Variants in HMGN5 observed in about 807,000 individuals in gnomAD.
HMGN5 encodes high mobility group nucleosome-binding domain-containing protein 5.
In HMGN5, 4 loss-of-function variants were observed where a neutral mutation model predicts 9.5. The observed-to-expected ratio is 0.42, with a 90% CI of 0.21 to 0.96. The LOEUF (loss-of-function observed/expected upper bound fraction) is 0.96. Among genes scored for constraint, HMGN5 ranks in the 40% least tolerant of loss-of-function variants. The pLI is 0.30. For missense variants in HMGN5, 192 were observed against 187.5 expected (o/e 1.02, Z -0.14); for synonymous variants, 55 against 57.1 (o/e 0.96, Z 0.16).
intron 1 of HMGN5, among the ~76,000 whole-genome samples, chrX:81,186,151 C>T (rs1430176572): frequency 8.9e-6 from 1 of 111,854 alleles, no homozygotes; most frequent in East Asian, 2.8e-4. Flanking sequence ...AGTGTCCCCT[C>T]TTCTTCTATG....
At chrX:81,131,459 T>C (rs1490311646) in intron 1 of HMGN5, among the ~76,000 whole-genome samples, 1 of 111,097 alleles carries the variant, frequency 9.0e-6, no homozygotes, top group Non-Finnish European at 1.9e-5. Flanking sequence ...AAGGACTTTA[T>C]GAGTATCCAG....
chrX:81,181,836 C>T (rs1030422923), intron 1 of HMGN5, among the ~76,000 whole-genome samples: 1 of 112,133 alleles, frequency 8.9e-6, no homozygotes, highest in Non-Finnish European at 1.9e-5. Context: ...ACAATATCTT[C>T]ATTCATTTGT....
At chrX:81,198,534 C>G (rs2075515628) in intron 1 of HMGN5, among the ~76,000 whole-genome samples, 1 of 111,661 alleles carries the variant, frequency 9.0e-6, no homozygotes, top group African/African-American at 3.3e-5. Context: ...CCACCACGAT[C>G]AAGTTGGCTT....
intron 1 of HMGN5, among the ~76,000 whole-genome samples, chrX:81,159,227 C>G (rs759620188): frequency 4.5e-5 from 5 of 110,205 alleles, no homozygotes; most frequent in African/African-American, 1.7e-4. Flanking sequence ...ACACTGGGGC[C>G]TATTGGGGGA....
chrX:81,189,632 C>T (rs1179785553), intron 1 of HMGN5, among the ~76,000 whole-genome samples: 1 of 112,200 alleles, frequency 8.9e-6, no homozygotes, highest in Admixed American at 9.5e-5. Context: ...CATTCATGTA[C>T]TGAAGGACAT....
Position 81,180,149 on chromosome X carries a change from G to A in HMGN5, c.-124+21588C>T, listed in dbSNP as rs761944573. ...ATTCAGGACACAGGCATGGGCAAGG[G>A]CTTCATGTCTAAAACACCAAAAGCA... On this transcript the variant is annotated intron_variant, in intron 1 of 6. Transcript: ENST00000358130. Among the ~76,000 whole-genome samples the A allele has an allele frequency of 5.0e-3, 557 of 111,461 alleles. 5 individuals are homozygous for A. Among genetic ancestry groups the A allele is most frequent in the Middle Eastern group, 9.3e-3 (2 of 214 alleles).
chrX:81,198,110 C>T (rs1223985901), intron 1 of HMGN5, among the ~76,000 whole-genome samples: 1 of 111,241 alleles, frequency 9.0e-6, no homozygotes, highest in Non-Finnish European at 1.9e-5. Context: ...ACAATGATTA[C>T]GTACATAGGG....
intron 1 of HMGN5, among the ~76,000 whole-genome samples, chrX:81,143,207 G>C (rs1005216962): frequency 9.0e-6 from 1 of 111,418 alleles, no homozygotes; most frequent in African/African-American, 3.3e-5. Context: ...AGACAGAAAG[G>C]AGAGAAAGAA....
At position 81,162,378 on chromosome X, in the gene HMGN5, C is replaced by A. The variant is rs5913410; in HGVS notation, c.-124+39359G>T. 1.2e-3 allele frequency among the ~76,000 whole-genome samples: 114 copies of A among 97,865 alleles called. 1 individual carries two copies. The highest frequency in any genetic ancestry group is 3.1e-3 in the African/African-American group (81 of 26,031). The allele number at this position is 97,865 out of a possible 115,157, so 85.0% of individuals were successfully genotyped here. ...AAACAAACTGAAAAAAAAAAAAAAA[C>A]CACTCAGCTGCAAACATAAGCTTTT... On this transcript the variant is annotated intron_variant, in intron 1 of 6. Coordinates refer to ENST00000358130, the MANE Select transcript of HMGN5 (RefSeq NM_030763.3).
At chrX:81,132,144 A>T (rs1398381127) in intron 1 of HMGN5, among the ~76,000 whole-genome samples, 3 of 111,272 alleles carry the variant, frequency 2.7e-5, no homozygotes, top group Non-Finnish European at 5.7e-5. Context: ...ACCTAGGACT[A>T]GAGCAAACTG....
chrX:81,186,372 C>A (rs768128535), intron 1 of HMGN5, among the ~76,000 whole-genome samples: 176 of 112,088 alleles, frequency 1.6e-3, no homozygotes, highest in Non-Finnish European at 2.9e-3. Flanking sequence ...TCATCCATTT[C>A]TTCTAGATTT....
At chrX:81,149,222 C>A (rs2075354083) in intron 1 of HMGN5, among the ~76,000 whole-genome samples, 1 of 111,601 alleles carries the variant, frequency 9.0e-6, no homozygotes, top group South Asian at 3.8e-4. Context: ...AGACTTGGAA[C>A]CAACCCAAAT....
At chrX:81,179,425 C>G (rs901582054) in intron 1 of HMGN5, among the ~76,000 whole-genome samples, 1 of 111,142 alleles carries the variant, frequency 9.0e-6, no homozygotes, top group Non-Finnish European at 1.9e-5. Flanking sequence ...AACAGAGAGC[C>G]AAATCATGAG....
chrX:81,131,965 C>G (rs2075298602), intron 1 of HMGN5, among the ~76,000 whole-genome samples: 1 of 111,418 alleles, frequency 9.0e-6, no homozygotes, highest in Non-Finnish European at 1.9e-5. Context: ...CTCAAAAACC[C>G]CATCATCTCA....
chrX:81,115,315 A>G (rs1229433305), intron 6 of HMGN5, 85 bp from the exon 7 acceptor site: 3 of 959,281 alleles, frequency 3.1e-6, no homozygotes, highest in East Asian at 3.5e-5. Flanking sequence ...GATTATATCT[A>G]TTTCACAGAA....
chrX:81,133,189 G>A (rs1275399846), intron 1 of HMGN5, among the ~76,000 whole-genome samples: 3 of 110,224 alleles, frequency 2.7e-5, no homozygotes, highest in Middle Eastern at 4.2e-3. Context: ...CAATTATTAC[G>A]AAATCAAAAA....
intron 1 of HMGN5, among the ~76,000 whole-genome samples, chrX:81,145,452 C>T (rs2075340981): frequency 8.9e-6 from 1 of 111,853 alleles, no homozygotes; most frequent in Non-Finnish European, 1.9e-5. Context: ...CAAGCAAATG[C>T]TGAGATATTG....
chrX:81,155,249 T>A lies in HMGN5; in HGVS notation c.-123-33577A>T, dbSNP rs1369149580. ...AGAGAGTGGCTGATTATATAATATA[T>A]AAATTATAGATATTATAATTTATAT... On this transcript the variant is annotated intron_variant, in intron 1 of 6. Transcript: ENST00000358130. 4.8e-5 allele frequency among the ~76,000 whole-genome samples: 5 copies of A among 103,965 alleles called. No individual in the cohort carries two copies. The East Asian group carries it at 1.4e-3, about 30-fold the overall frequency. The allele number at this position is 103,965 out of a possible 115,157, so 90.3% of individuals were successfully genotyped here.
chrX:81,189,499 C>T (rs767376158), intron 1 of HMGN5, among the ~76,000 whole-genome samples: 8 of 112,142 alleles, frequency 7.1e-5, no homozygotes, highest in African/African-American at 2.3e-4. Context: ...CCTTTTCAGA[C>T]TAGCTTATTT....
Sources: allele counts gnomAD v4.1 joint callset (sites outside exome capture counted in the v4.1 genomes callset), GRCh38; gene constraint gnomAD v4.1.1; transcripts MANE v1.5; gene names NCBI Gene and HGNC (gene_info 2026-07-23, HGNC 2026-07-21).